Variants in FAN1 observed in about 807,000 individuals in gnomAD.
FAN1 encodes FANCD2 and FANCI associated nuclease 1, also known as fanconi-associated nuclease 1.
Under a neutral mutation model 104.9 loss-of-function variants are expected in FAN1, and 91 were observed. That is an observed-to-expected ratio of 0.87 (90% CI 0.73 to 1.03). The LOEUF (loss-of-function observed/expected upper bound fraction) is 1.03. Among genes scored for constraint, FAN1 ranks in the 50% least tolerant of loss-of-function variants. FAN1 has a pLI of 0.00. For missense variants in FAN1, 1,263 were observed against 1,239.9 expected, an observed-to-expected ratio of 1.02 and a Z score of -0.28; for synonymous variants, 478 against 457.6, an observed-to-expected ratio of 1.04 and a Z score of -0.57.
chr15:30,930,411 C>A (rs2140954560), intron 12 of FAN1, 132 bp from the exon 13 acceptor site: 2 of 1,033,158 alleles, frequency 1.9e-6, no homozygotes, highest in Non-Finnish European at 2.7e-6. Flanking sequence ...CAGAACAGCG[C>A]ATGGTGGGCC....
chr15:30,925,123 C>T lies in FAN1; in HGVS notation c.2173-4C>T. 1 of 1,610,792 alleles carries T rather than the reference C, an allele frequency of 6.2e-7. No homozygotes were observed. The highest frequency in any genetic ancestry group is 8.5e-7 in the Non-Finnish European group (1 of 1,177,960). ...GCCTGATGTGTGACCATGCTCTCTG[C>T]CAGACTATCAAGTGCATCACAGAGG... On this transcript the variant is annotated splice_region_variant and splice_polypyrimidine_tract_variant and intron_variant, in intron 8 of 14. Coordinates refer to ENST00000362065, the MANE Select transcript of FAN1 (RefSeq NM_014967.5).
chr15:30,938,939 C>A (rs1369478097), intron 14 of FAN1: 2 of 985,258 alleles, frequency 2.0e-6, no homozygotes, highest in African/African-American at 1.7e-5. Context: ...CTGACAACAA[C>A]AAACAGTCGC....
At chr15:30,914,202 C>G in intron 5 of FAN1, 111 bp downstream of exon 5, 1 of 745,028 alleles carries the variant, frequency 1.3e-6, no homozygotes, top group Non-Finnish European at 2.2e-6. Flanking sequence ...ACAGCCAAAA[C>G]AGTTTTTAAT....
At chr15:30,918,383 A>C (rs2062239429) in intron 6 of FAN1, 88 bp downstream of exon 6, 1 of 1,355,416 alleles carries the variant, frequency 7.4e-7, no homozygotes, top group South Asian at 1.2e-5. Context: ...TGAAGAATAT[A>C]CTCCTTTTTC....
At chr15:30,904,408 T>G (rs1315087238) in intron 1 of FAN1, 104 bp from the exon 2 acceptor site, 4 of 565,166 alleles carry the variant, frequency 7.1e-6, no homozygotes, top group Admixed American at 3.0e-5. Flanking sequence ...CTCAGGGTTG[T>G]CTCCTCGTTA....
At chr15:30,929,983 TATAAG>T (rs1242972937) in intron 12 of FAN1, among the ~76,000 whole-genome samples, 41 of 126,644 alleles carry the variant, frequency 3.2e-4, no homozygotes, top group African/African-American at 3.5e-4. Context: ...ATATATAATA[TATAAG>T]ATATCATATA....
chr15:30,942,534 A>T lies in FAN1; in HGVS notation c.*972A>T, dbSNP rs2063089544. ...ATTAAAAAGGCAAACAATGAATGTT[A>T]TTAGGACAAGAATATAGCAGTCAGG... is the stretch of plus-strand genomic sequence containing the variant. On this transcript the variant is annotated 3_prime_UTR_variant, in exon 15 of 15. Transcript: ENST00000362065. 1 of 301,424 alleles carries T rather than the reference A, an allele frequency of 3.3e-6. No homozygotes were observed. 18.7% of individuals were successfully genotyped at this position (301,424 alleles called of 1,614,324 possible).
intron 14 of FAN1, chr15:30,939,628 A>C: frequency 2.2e-6 from 2 of 924,044 alleles, no homozygotes; most frequent in Non-Finnish European, 2.6e-6. Context: ...AAACTTGTAA[A>C]TTAACAACAA....
intron 4 of FAN1, chr15:30,911,522 A>G (rs1322705768): frequency 3.1e-6 from 3 of 983,316 alleles, no homozygotes; most frequent in Non-Finnish European, 3.6e-6. Context: ...TTAATGAAAC[A>G]TAGGTGTAAT....
At chr15:30,929,958 CATATAATAT>C in intron 12 of FAN1, among the ~76,000 whole-genome samples, 1 of 100,764 alleles carries the variant, frequency 9.9e-6, no homozygotes, top group East Asian at 2.5e-4. Context: ...TAATATATAT[CATATAATAT>C]ATAAAATATA....
chr15:30,929,516 G>GCACA, intron 12 of FAN1, 119 bp downstream of exon 12: 1 of 473,244 alleles, frequency 2.1e-6, no homozygotes, highest in Non-Finnish European at 3.6e-6. Flanking sequence ...GTATGTGTGT[G>GCACA]CATATATATG....
chr15:30,935,737 T>A (rs1217396798), intron 13 of FAN1, among the ~76,000 whole-genome samples: 1 of 152,066 alleles, frequency 6.6e-6, no homozygotes, highest in Non-Finnish European at 1.5e-5. Flanking sequence ...TTGAAAGATA[T>A]TTTCTCCGTG....
At chr15:30,928,719 C>A (rs2062536089) in intron 11 of FAN1, 63 bp downstream of exon 11, 2 of 1,608,044 alleles carry the variant, frequency 1.2e-6, no homozygotes, top group Non-Finnish European at 1.7e-6. Flanking sequence ...TCACGCCCAC[C>A]TGGGCACCGT....
intron 7 of FAN1, 123 bp downstream of exon 7, chr15:30,920,776 G>A (rs2062311441): frequency 3.4e-6 from 2 of 588,342 alleles, no homozygotes; most frequent in Non-Finnish European, 3.0e-6. Flanking sequence ...ATATAATGGA[G>A]GCATATTTGT....
At chr15:30,916,372 A>C (rs918562200) in intron 5 of FAN1, among the ~76,000 whole-genome samples, 7 of 152,152 alleles carry the variant, frequency 4.6e-5, no homozygotes, top group African/African-American at 1.4e-4. Flanking sequence ...AGCCTGGGCT[A>C]TGGGGAATGC....
chr15:30,926,761 G>C (rs1359851150), intron 10 of FAN1: 1 of 985,326 alleles, frequency 1.0e-6, no homozygotes, highest in Admixed American at 6.2e-5. Context: ...GAAGCAGGCT[G>C]GGACGTGGGA....
At chr15:30,929,422 A>T (rs373886662) in intron 12 of FAN1, 25 bp downstream of exon 12, 104 of 1,570,392 alleles carry the variant, frequency 6.6e-5, no homozygotes, top group Middle Eastern at 1.7e-4. Flanking sequence ...GCATGGCAGG[A>T]TTTGCTCAGA....
chr15:30,919,373 C>G (rs369521257), intron 6 of FAN1, among the ~76,000 whole-genome samples: 7 of 100,538 alleles, frequency 7.0e-5, no homozygotes, highest in Non-Finnish European at 1.2e-4. Flanking sequence ...AGCAAAACTC[C>G]GTCTCAAAAA....
chr15:30,922,459 A>G (rs904619714), intron 8 of FAN1, 105 bp downstream of exon 8: 10 of 1,166,088 alleles, frequency 8.6e-6, no homozygotes, highest in Non-Finnish European at 1.2e-5. Flanking sequence ...TAGAACATGT[A>G]TTTCTTTTGT....
Sources: allele counts gnomAD v4.1 joint callset (sites outside exome capture counted in the v4.1 genomes callset), GRCh38; gene constraint gnomAD v4.1.1; transcripts MANE v1.5; gene names NCBI Gene and HGNC (gene_info 2026-07-23, HGNC 2026-07-21).